RIN2: variants seen among roughly 807,000 people sequenced by gnomAD.
RIN2 encodes RAB5 interacting protein 2.
RIN2 carries 36 observed loss-of-function variants against 78.0 expected under a neutral mutation model. That is an observed-to-expected ratio of 0.46 (90% CI 0.35 to 0.61). RIN2 has a LOEUF of 0.61. Among genes scored for constraint, RIN2 ranks in the 20% least tolerant of loss-of-function variants. RIN2 has a pLI of 0.00. For missense variants in RIN2, 1,087 were observed against 1,159.7 expected, an observed-to-expected ratio of 0.94 and a Z score of 0.91; for synonymous variants, 466 against 466.8, an observed-to-expected ratio of 1.00 and a Z score of 0.02.
At chr20:19,969,898 C>G (rs572318843) in intron 7 of RIN2, among the ~76,000 whole-genome samples, 63 of 149,610 alleles carry the variant, frequency 4.2e-4, no homozygotes, top group African/African-American at 1.5e-3. Flanking sequence ...GGGGAATTCA[C>G]CAGTGCTTAG....
chr20:19,987,188 T>C (rs1157673907), intron 9 of RIN2, among the ~76,000 whole-genome samples: 1 of 152,260 alleles, frequency 6.6e-6, no homozygotes, highest in African/African-American at 2.4e-5. Context: ...TGAATGAATA[T>C]ATCCAATGTA....
intron 1 of RIN2, among the ~76,000 whole-genome samples, chr20:19,785,441 T>C (rs1055681115): frequency 1.3e-5 from 2 of 151,998 alleles, no homozygotes; most frequent in African/African-American, 2.4e-5. Flanking sequence ...GAAATGAGAG[T>C]TGACTGAACT....
intron 2 of RIN2, among the ~76,000 whole-genome samples, chr20:19,814,780 A>G (rs1240848648): frequency 6.6e-6 from 1 of 151,314 alleles, no homozygotes; most frequent in Non-Finnish European, 1.5e-5. Context: ...TTGTAGAGAC[A>G]TGGTCTTCAT....
At chr20:19,853,801 T>C (rs1424212054) in intron 2 of RIN2, among the ~76,000 whole-genome samples, 14 of 152,234 alleles carry the variant, frequency 9.2e-5, no homozygotes, top group African/African-American at 3.1e-4. Flanking sequence ...ATGAGTAGAT[T>C]GCAAAAATTT....
At chr20:19,819,830 A>G (rs1338402073) in intron 2 of RIN2, among the ~76,000 whole-genome samples, 1 of 152,218 alleles carries the variant, frequency 6.6e-6, no homozygotes, top group Non-Finnish European at 1.5e-5. Context: ...CACCACACCC[A>G]GCTGAAAATA....
intron 2 of RIN2, among the ~76,000 whole-genome samples, chr20:19,828,829 A>G (rs6035452): frequency 0.63 from 95,447 of 151,850 alleles, 31,929 homozygotes; most frequent in African/African-American, 0.87. Flanking sequence ...TCCTAGGTCC[A>G]TTTTTGCTTG....
At chr20:19,911,635 G>A (rs73279348) in intron 3 of RIN2, among the ~76,000 whole-genome samples, 5,589 of 152,210 alleles carry the variant, frequency 0.037, 344 homozygotes, top group African/African-American at 0.13. Flanking sequence ...TCATTGCTCT[G>A]GTCATGTCCT....
At chr20:19,928,391 C>T (rs1347597875) in intron 3 of RIN2, among the ~76,000 whole-genome samples, 1 of 152,156 alleles carries the variant, frequency 6.6e-6, no homozygotes, top group East Asian at 1.9e-4. Flanking sequence ...GTATGCCTAC[C>T]CCTACTCCCA....
At chr20:19,889,833 T>G (rs1429494672) in intron 3 of RIN2, among the ~76,000 whole-genome samples, 175 bp downstream of exon 3, 1 of 152,078 alleles carries the variant, frequency 6.6e-6, no homozygotes, top group Non-Finnish European at 1.5e-5. Flanking sequence ...GGTTGCGGGG[T>G]CTGTGATTTA....
intron 3 of RIN2, among the ~76,000 whole-genome samples, chr20:19,927,858 A>G (rs1222974208): frequency 6.6e-6 from 1 of 151,998 alleles, no homozygotes; most frequent in Non-Finnish European, 1.5e-5. Flanking sequence ...CCAAGAGATC[A>G]TTTAAATAGG....
chr20:19,850,878 G>T (rs1263592505), intron 2 of RIN2, among the ~76,000 whole-genome samples: 4 of 152,166 alleles, frequency 2.6e-5, no homozygotes, highest in Non-Finnish European at 5.9e-5. Flanking sequence ...GGAGGCTGAG[G>T]CAGGAGAATT....
At chr20:19,807,925 G>T (rs989074830) in intron 2 of RIN2, among the ~76,000 whole-genome samples, 2 of 152,186 alleles carry the variant, frequency 1.3e-5, no homozygotes, top group Non-Finnish European at 2.9e-5. Context: ...GCATGGAAAA[G>T]ACTTGCAGTT....
intron 3 of RIN2, among the ~76,000 whole-genome samples, chr20:19,918,784 C>T (rs905942338): frequency 2.7e-5 from 4 of 150,568 alleles, no homozygotes; most frequent in Non-Finnish European, 5.9e-5. Flanking sequence ...AAAAAAAAAT[C>T]AGACAAAATA....
chr20:19,975,667 G>T lies in RIN2; in HGVS notation c.1642G>T (p.Val548Leu), dbSNP rs181298473. 6.2e-7 allele frequency: 1 copy of T among 1,613,564 alleles called. No individual in the cohort carries two copies. The highest frequency in any genetic ancestry group is 2.2e-5 in the East Asian group (1 of 44,872). The change falls in exon 9 of 13, where the codon GTG becomes TTG. Residue 548 changes from valine (V) to leucine (L), a missense_variant. Physicochemically the swap from Val to Leu is conservative, Grantham distance 32 (BLOSUM62 1). Around this residue, in one of 8 missense-constraint regions of RIN2, gnomAD observed 5 missense variants for 22.8 expected, o/e 0.22. Transcript: ENST00000255006. This position sits in a 1 kb window ranked among gnomAD's most constrained non-coding sequence, Gnocchi z 4.9. ...SFLQENKECH[V>L]SSTDMLQTIR... ...CCTGCAGGAGAACAAGGAGTGCCAC[G>T]TGTCCAGCACCGACATGCTGCAGAC... is the stretch of plus-strand genomic sequence containing the variant.
At chr20:19,851,819 C>T (rs2036990582) in intron 2 of RIN2, among the ~76,000 whole-genome samples, 1 of 152,136 alleles carries the variant, frequency 6.6e-6, no homozygotes, top group African/African-American at 2.4e-5. Context: ...TATTAGTTAG[C>T]TATAGTCCCA....
intron 2 of RIN2, among the ~76,000 whole-genome samples, chr20:19,800,287 T>C (rs955553412): frequency 1.3e-5 from 2 of 152,188 alleles, no homozygotes; most frequent in Admixed American, 6.5e-5. Context: ...GGAAATTGCA[T>C]TGATGGGATT....
At chr20:19,955,480 G>A (rs1429221490) in intron 4 of RIN2, among the ~76,000 whole-genome samples, 1 of 152,098 alleles carries the variant, frequency 6.6e-6, no homozygotes, top group African/African-American at 2.4e-5. Context: ...GGGACTACAG[G>A]TGCGCATGAC....
Position 19,894,951 on chromosome 20 carries a change from C to T in RIN2, c.57+5293C>T, listed in dbSNP as rs187391173. Among the ~76,000 whole-genome samples, 343 of 152,240 alleles carry T rather than the reference C, an allele frequency of 2.3e-3. 1 individual carries two copies. The highest frequency in any genetic ancestry group is 5.0e-3 in the Admixed American group (76 of 15,284). On this transcript the variant is annotated intron_variant, in intron 3 of 12. Transcript: ENST00000255006. ...TTTTCAGGCTGTGCTTCCACTTTCC[C>T]GGAACTCTTCCTCCACCGGTCCTGC...
intron 1 of RIN2, among the ~76,000 whole-genome samples, chr20:19,780,523 C>T (rs1323112712): frequency 6.6e-6 from 1 of 152,112 alleles, no homozygotes. Context: ...TAGAGCAAGC[C>T]AAGTGGGACT....
Sources: allele counts gnomAD v4.1 joint callset (sites outside exome capture counted in the v4.1 genomes callset), GRCh38; gene constraint gnomAD v4.1.1; regional missense constraint gnomAD v4.1.1; non-coding constraint Gnocchi (gnomAD v3.1); transcripts MANE v1.5; gene names NCBI Gene and HGNC (gene_info 2026-07-23, HGNC 2026-07-21).